The following R3HCC1 variants were observed in gnomAD, a reference collection of about 807,000 sequenced individuals.
The protein encoded by R3HCC1 is R3H domain and coiled-coil containing 1, also known as R3H and coiled-coil domain-containing protein 1.
Under a neutral mutation model 40.0 loss-of-function variants are expected in R3HCC1, and 32 were observed. That is an observed-to-expected ratio of 0.80 (90% confidence interval 0.60 to 1.07). The LOEUF is 1.07. R3HCC1 is among the 50% of genes least tolerant of loss of function. R3HCC1 has a pLI of 0.00. For synonymous variants in R3HCC1, 237 were observed against 232.8 expected (o/e 1.02, Z -0.17); for missense variants, 586 against 563.3 (o/e 1.04, Z -0.41).
chr8:23,294,997 C>T (rs1349312531), intron 7 of R3HCC1, 133 bp downstream of exon 7: 4 of 723,272 alleles, frequency 5.5e-6, no homozygotes, highest in Non-Finnish European at 4.8e-6. Flanking sequence ...CGCTTGACTT[C>T]TCTGCTCTTA....
intron 5 of R3HCC1, among the ~76,000 whole-genome samples, chr8:23,292,246 G>A (rs886693392): frequency 6.6e-6 from 1 of 151,940 alleles, no homozygotes; most frequent in Non-Finnish European, 1.5e-5. Context: ...TCCCACCTTC[G>A]TCTCCCAAGT....
chr8:23,288,867 C>T, intron 2 of R3HCC1, 149 bp from the exon 3 acceptor site: 1 of 1,021,078 alleles, frequency 9.8e-7, no homozygotes. Context: ...CTGCGATCAC[C>T]TCTATCTATG....
chr8:23,293,522 G>T (rs921017691), intron 6 of R3HCC1, 149 bp downstream of exon 6: 42 of 628,030 alleles, frequency 6.7e-5, no homozygotes, highest in African/African-American at 1.1e-4. Flanking sequence ...CTAAAACCCA[G>T]GGGGAGCTGA....
chr8:23,291,641 G>A lies in R3HCC1; in HGVS notation c.1025+108G>A, dbSNP rs867414111. The A allele has an allele frequency of 7.4e-6, 11 of 1,478,340 alleles. No homozygotes were observed. In the Middle Eastern group the frequency reaches 7.4e-4, roughly 100 times the overall value. 91.6% of individuals were successfully genotyped at this position (1,478,340 alleles called of 1,614,324 possible). ...CCCAGTGCCTAATGCTTCAGCAAGA[G>A]AGACAGAAAGTGGGTGTGTTGCCTG... On this transcript the variant is annotated intron_variant, in intron 5 of 7. Coordinates refer to ENST00000265806, the MANE Select transcript of R3HCC1 (RefSeq NM_001136108.3).
chr8:23,294,982 C>G, intron 7 of R3HCC1, 118 bp downstream of exon 7: 1 of 781,880 alleles, frequency 1.3e-6, no homozygotes, highest in South Asian at 1.5e-5. Context: ...TCTGTTAATT[C>G]TTCCCGCTTG....
At chr8:23,288,771 CTT>C in intron 2 of R3HCC1, 138 bp downstream of exon 2, 1 of 1,128,426 alleles carries the variant, frequency 8.9e-7, no homozygotes, top group Non-Finnish European at 1.2e-6. Context: ...CCAGCTGCCT[CTT>C]TTAGCTGCAT....
intron 4 of R3HCC1, 90 bp from the exon 5 acceptor site, chr8:23,291,271 T>C: frequency 2.7e-6 from 4 of 1,455,988 alleles, no homozygotes; most frequent in Non-Finnish European, 3.6e-6. Flanking sequence ...GGTGGGCCCC[T>C]TCTCCCTGCA....
chr8:23,291,965 G>A (rs1802877336), intron 5 of R3HCC1, among the ~76,000 whole-genome samples: 1 of 152,218 alleles, frequency 6.6e-6, no homozygotes, highest in East Asian at 1.9e-4. Context: ...AGTGGAGGTC[G>A]GAATGGTGGC....
At position 23,296,067 on chromosome 8, in the gene R3HCC1, G is replaced by A; in HGVS notation, c.1293G>A (p.Arg431=). 1.3e-6 allele frequency: 2 copies of A among 1,550,614 alleles called. No individual in the cohort carries two copies. Among genetic ancestry groups the A allele is most frequent in the Non-Finnish European group, 1.7e-6 (2 of 1,146,940 alleles). The change falls in exon 8 of 8, where the codon CGG becomes CGA. Residue 431 remains arginine (R), a synonymous_variant. Transcript: ENST00000265806. Reference sequence around the variant, plus strand: ...GACTCCAACACAAAAAGAAAGAGCGGCCTGCTGTCCGGGGTCCGCTGCCGC... The same window carrying A: ...GACTCCAACACAAAAAGAAAGAGCGACCTGCTGTCCGGGGTCCGCTGCCGC...
At position 23,290,323 on chromosome 8, in the gene R3HCC1, T is replaced by G. The variant is rs1802838409; in HGVS notation, c.706T>G (p.Ser236Ala). The change falls in exon 4 of 8, where the codon TCC becomes GCC. Residue 236 changes from serine (S) to alanine (A), a missense_variant. Ser to Ala is a moderately conservative substitution (Grantham distance 99). Transcript: ENST00000265806. ...GGTGGAGATGGCCACACGGTTTGGG[T>G]CCACCCTGCAGCTAGACCTGGAAAA... 7.1e-6 allele frequency: 11 copies of G among 1,551,556 alleles called. No individual in the cohort carries two copies. The highest frequency in any genetic ancestry group is 9.6e-6 in the Non-Finnish European group (11 of 1,146,966).
At chr8:23,290,771 A>C (rs1255135626) in intron 4 of R3HCC1, among the ~76,000 whole-genome samples, 1 of 152,026 alleles carries the variant, frequency 6.6e-6, no homozygotes, top group African/African-American at 2.4e-5. Context: ...ATGGAGATGG[A>C]CTCTGTGTGC....
intron 5 of R3HCC1, among the ~76,000 whole-genome samples, chr8:23,292,805 G>A (rs1802896837): frequency 1.3e-5 from 2 of 152,170 alleles, no homozygotes; most frequent in African/African-American, 4.8e-5. Flanking sequence ...GCCTTTCTCT[G>A]CCCGGGTGGG....
At chr8:23,288,248 T>A (rs1273065801) in intron 1 of R3HCC1, 91 bp downstream of exon 1, 1 of 1,176,800 alleles carries the variant, frequency 8.5e-7, no homozygotes, top group Non-Finnish European at 1.1e-6. Context: ...CAGGCCCCCG[T>A]GAGCCCCGGG....
chr8:23,295,683 C>T, intron 7 of R3HCC1: 1 of 524,150 alleles, frequency 1.9e-6, no homozygotes, highest in Non-Finnish European at 3.5e-6. Flanking sequence ...CCCTAAAAAG[C>T]AGGGAGGTGT....
chr8:23,293,277 G>A lies in R3HCC1; in HGVS notation c.1026-26G>A, dbSNP rs1458964339. The A allele has an allele frequency of 1.9e-6, 3 of 1,543,682 alleles. No homozygotes were observed. In the East Asian group the frequency reaches 7.4e-5, roughly 38 times the overall value. The stretch of plus-strand genomic sequence containing the variant: ...AGTTTGACTGCTTGCTTTCCTGAAT[G>A]TGCTGTCTCCTCTCTCGCCGCACAG... On this transcript the variant is annotated intron_variant, in intron 5 of 7. Coordinates refer to ENST00000265806, the MANE Select transcript of R3HCC1 (RefSeq NM_001136108.3).
At chr8:23,293,477 C>A in intron 6 of R3HCC1, 104 bp downstream of exon 6, 1 of 895,890 alleles carries the variant, frequency 1.1e-6, no homozygotes, top group Non-Finnish European at 1.7e-6. Flanking sequence ...GCAGGCTCAG[C>A]TGAGCCAGTA....
chr8:23,293,260 T>A, intron 5 of R3HCC1, 43 bp from the exon 6 acceptor site: 1 of 595,920 alleles, frequency 1.7e-6, no homozygotes. Flanking sequence ...GGAGTTTGAC[T>A]GCTTGCTTTC....
chr8:23,291,586 C>G (rs1201957424), intron 5 of R3HCC1, 53 bp downstream of exon 5: 5 of 1,539,344 alleles, frequency 3.2e-6, no homozygotes, highest in Middle Eastern at 2.3e-4. Context: ...AGATACTTCT[C>G]TGTAGCTGGG....
At chr8:23,291,292 C>T (rs910810799) in intron 4 of R3HCC1, 69 bp from the exon 5 acceptor site, 24 of 1,503,668 alleles carry the variant, frequency 1.6e-5, no homozygotes, top group South Asian at 2.6e-5. Flanking sequence ...GAGCTCTCAG[C>T]GCGTGGGCTA....
Sources: gnomAD v4.1 joint callset for allele counts (sites outside exome capture counted in the v4.1 genomes callset) on GRCh38, gnomAD v4.1.1 for gene constraint, MANE v1.5 for transcripts, NCBI Gene and HGNC (gene_info 2026-07-23, HGNC 2026-07-21) for gene names.